OSBPL9: variants seen among roughly 807,000 people sequenced by gnomAD.
The protein encoded by OSBPL9 is oxysterol binding protein like 9.
A neutral mutation model predicts 106.6 loss-of-function variants in OSBPL9; 40 were observed. The observed-to-expected ratio is 0.38, with a 90% confidence interval of 0.29 to 0.49. OSBPL9 has a LOEUF of 0.49. OSBPL9 is among the 20% of genes least tolerant of loss of function. The pLI, the probability that OSBPL9 is intolerant of heterozygous loss-of-function variation, is 0.97. For missense variants in OSBPL9, 609 were observed against 887.2 expected (o/e 0.69, Z 3.98); for synonymous variants, 269 against 295.4 (o/e 0.91, Z 0.92).
At chr1:51,637,004 T>C (rs1367465193) in intron 1 of OSBPL9, among the ~76,000 whole-genome samples, 3 of 152,164 alleles carry the variant, frequency 2.0e-5, no homozygotes, top group African/African-American at 7.2e-5. Context: ...GAAAGATCAC[T>C]GATTTTACAC....
chr1:51,562,750 A>G, the OSBPL9 span, among the ~76,000 whole-genome samples: 6 of 152,168 alleles, frequency 3.9e-5, no homozygotes, highest in Admixed American at 3.9e-4. Flanking sequence ...ATATCATCTG[A>G]GTATCCTGGC....
chr1:51,524,326 GA>G, the OSBPL9 span, among the ~76,000 whole-genome samples: 1 of 152,222 alleles, frequency 6.6e-6, no homozygotes, highest in African/African-American at 2.4e-5. Context: ...ACCCTGGGAA[GA>G]AGCTGAGTTT....
chr1:51,722,956 A>G (rs1662419477), intron 4 of OSBPL9, among the ~76,000 whole-genome samples: 1 of 152,214 alleles, frequency 6.6e-6, no homozygotes, highest in African/African-American at 2.4e-5. Flanking sequence ...GGTAAATATG[A>G]TTTGATTAAC....
At chr1:51,639,889 A>G (rs1645679536) in intron 1 of OSBPL9, among the ~76,000 whole-genome samples, 1 of 145,582 alleles carries the variant, frequency 6.9e-6, no homozygotes, top group Non-Finnish European at 1.5e-5. Context: ...CAGTGGCGCA[A>G]TCAGGGGTCA....
At chr1:51,558,148 C>T in the OSBPL9 span, among the ~76,000 whole-genome samples, 456 of 152,002 alleles carry the variant, frequency 3.0e-3, 1 homozygote, top group African/African-American at 9.8e-3. Context: ...GGCGTAGTGG[C>T]GGGCGCCTGT....
chr1:51,787,694 T>A (rs775035131), intron 23 of OSBPL9, 21 bp from the exon 24 acceptor site: 2 of 1,608,174 alleles, frequency 1.2e-6, no homozygotes, highest in South Asian at 2.2e-5. Context: ...TGTAACTAAA[T>A]TCTTCCTCTT....
At chr1:51,657,565 G>T (rs995795795) in intron 2 of OSBPL9, among the ~76,000 whole-genome samples, 3 of 152,196 alleles carry the variant, frequency 2.0e-5, no homozygotes, top group Non-Finnish European at 2.9e-5. Context: ...GACTAGAAGA[G>T]TGAATTCAGA....
At chr1:51,736,328 G>A (rs1322738697) in intron 4 of OSBPL9, among the ~76,000 whole-genome samples, 2 of 152,138 alleles carry the variant, frequency 1.3e-5, no homozygotes, top group African/African-American at 4.8e-5. Flanking sequence ...TACGAAGACA[G>A]CTTTGGCATA....
intron 5 of OSBPL9, 59 bp downstream of exon 5, chr1:51,745,690 T>C (rs1667834490): frequency 7.1e-7 from 1 of 1,416,188 alleles, no homozygotes; most frequent in African/African-American, 1.5e-5. Flanking sequence ...TGAGCTTGAT[T>C]TTTGAGTAAA....
chr1:51,533,850 T>C, the OSBPL9 span, among the ~76,000 whole-genome samples: 3 of 147,824 alleles, frequency 2.0e-5, no homozygotes, highest in Non-Finnish European at 3.0e-5. Flanking sequence ...TCTTTCTTTT[T>C]TTTTTTTTTT....
the OSBPL9 span, among the ~76,000 whole-genome samples, chr1:51,549,261 C>T: frequency 3.9e-5 from 6 of 152,290 alleles, no homozygotes; most frequent in East Asian, 1.2e-3. Flanking sequence ...CAGACTTGTG[C>T]ATTCTTTTTT....
the OSBPL9 span, among the ~76,000 whole-genome samples, chr1:51,541,824 C>G: frequency 6.6e-6 from 1 of 152,156 alleles, no homozygotes; most frequent in East Asian, 1.9e-4. Flanking sequence ...TGGTCGAGTC[C>G]AGTTTACTCT....
At position 51,617,120 on chromosome 1, in the gene OSBPL9, A is replaced by C. The variant is rs774770514; in HGVS notation, c.10A>C (p.Ile4Leu). The C allele has an allele frequency of 3.1e-6, 5 of 1,591,254 alleles. No individual in the cohort carries two copies. The highest frequency in any genetic ancestry group is 1.7e-4 in the Middle Eastern group (1 of 5,926). Residue 4 changes from isoleucine to leucine, a missense_variant, in exon 1 of 24, where the codon ATC becomes CTC. Ile to Leu is a conservative substitution (Grantham distance 5). This residue lies in a region of OSBPL9 where 30 missense variants were observed against 21.8 expected (regional missense o/e 1.37). Transcript: ENST00000428468. Reference protein sequence around the residue: MASIMEGPLSKWTN... With the variant: MASLMEGPLSKWTN... The stretch of plus-strand genomic sequence containing the variant: ...ATTGGCGGCTCCCAAGATGGCGTCC[A>C]TCATGGAAGGGCCGCTGAGCAAATG...
At position 51,735,230 on chromosome 1, in the gene OSBPL9, C is replaced by T. The variant is rs1388146485; in HGVS notation, c.319-10306C>T. On this transcript the variant is annotated intron_variant, in intron 4 of 23. Transcript: ENST00000428468. ...ATTCTGGCAGTGACTGTTTTACAGCCGTCCATGTCCACTGGCCGGTGGGAA... is the reference window on the plus strand; with the variant it reads ...ATTCTGGCAGTGACTGTTTTACAGCTGTCCATGTCCACTGGCCGGTGGGAA... Among the ~76,000 whole-genome samples the T allele has an allele frequency of 3.3e-5, 5 of 152,330 alleles. No homozygotes were observed. In the South Asian group the frequency reaches 6.2e-4, roughly 19 times the overall value.
intron 2 of OSBPL9, among the ~76,000 whole-genome samples, chr1:51,666,519 A>G (rs1051006156): frequency 1.3e-5 from 2 of 152,250 alleles, no homozygotes; most frequent in Non-Finnish European, 2.9e-5. Context: ...GCTAGTGACT[A>G]TTAAACTGAA....
rs544202528 is a variant in OSBPL9 at position 51,711,876 on chromosome 1, C to T, written c.242-2127C>T. Among the ~76,000 whole-genome samples the T allele has an allele frequency of 4.0e-5, 6 of 151,758 alleles. No individual in the cohort carries two copies. The East Asian group carries it at 9.8e-4, about 25-fold the overall frequency. ...TGATGGTGGCCGGGAAGAGGCGCTC[C>T]TCACTTCCTAGATGGGATGGCGGCC... On this transcript the variant is annotated intron_variant, in intron 3 of 23. Coordinates refer to ENST00000428468, the MANE Select transcript of OSBPL9 (RefSeq NM_024586.6).
chr1:51,719,348 G>A (rs748718087), intron 4 of OSBPL9, among the ~76,000 whole-genome samples: 44 of 152,150 alleles, frequency 2.9e-4, no homozygotes, highest in Non-Finnish European at 5.3e-4. Context: ...GAGACCAGAG[G>A]GCGTGCTGTG....
At chr1:51,580,098 C>G (rs1474426781) in intron 1 of OSBPL9, among the ~76,000 whole-genome samples, 1 of 152,108 alleles carries the variant, frequency 6.6e-6, no homozygotes, top group Non-Finnish European at 1.5e-5. Context: ...GCCAATTTAC[C>G]TGCCTACTGC....
upstream of OSBPL9, among the ~76,000 whole-genome samples, chr1:51,612,659 G>A (rs1048992913): frequency 1.3e-5 from 2 of 152,208 alleles, no homozygotes; most frequent in Admixed American, 6.5e-5. Context: ...CTGATGACCT[G>A]TGTTTTGACA....
Sources: gnomAD v4.1 joint callset for allele counts (sites outside exome capture counted in the v4.1 genomes callset) on GRCh38, gnomAD v4.1.1 for gene constraint, gnomAD v4.1.1 regional missense constraint, MANE v1.5 for transcripts, NCBI Gene and HGNC (gene_info 2026-07-23, HGNC 2026-07-21) for gene names.